GOLGA8K: variants seen among roughly 807,000 people sequenced by gnomAD.
The protein encoded by GOLGA8K is golgin subfamily A member 8K.
GOLGA8K carries 12 observed loss-of-function variants against 75.2 expected under a neutral mutation model. The ratio of observed to expected loss-of-function variants is 0.16; its 90% CI spans 0.10 to 0.26. The LOEUF is 0.26. Among genes scored for constraint, GOLGA8K ranks in the 10% least tolerant of loss-of-function variants. The pLI, the probability that GOLGA8K is intolerant of heterozygous loss-of-function variation, is 1.00. For synonymous variants in GOLGA8K, 48 were observed against 236.6 expected (o/e 0.20, Z 7.32); for missense variants, 109 against 640.8 (o/e 0.17, Z 8.96).
At chr15:32,394,287 G>A in intron 14 of GOLGA8K, 54 bp from the exon 15 acceptor site, 1 of 701,642 alleles carries the variant, frequency 1.4e-6, no homozygotes, top group South Asian at 1.6e-5. Flanking sequence ...GAGGTACTGT[G>A]GGCCCACCTC....
At chr15:32,394,874 A>G (rs2054588169) in intron 13 of GOLGA8K, 134 bp from the exon 14 acceptor site, 2 of 1,125,820 alleles carry the variant, frequency 1.8e-6, no homozygotes, top group Non-Finnish European at 2.5e-6. Context: ...CTTTGCCCCA[A>G]GCTTCCTGCT....
chr15:32,394,428 T>A, intron 14 of GOLGA8K, 195 bp from the exon 15 acceptor site: 1 of 639,704 alleles, frequency 1.6e-6, no homozygotes, highest in Non-Finnish European at 2.6e-6. Context: ...TACTGGTCGA[T>A]GTGGGAGTTC....
At position 32,390,046 on chromosome 15, in the gene GOLGA8K, AATG is replaced by A. The variant is rs1256756210; in HGVS notation, c.*2733_*2735del. Among the ~76,000 whole-genome samples the A allele has an allele frequency of 2.9e-5, 2 of 69,776 alleles. No homozygotes were observed. Among genetic ancestry groups the A allele is most frequent in the African/African-American group, 8.2e-5 (2 of 24,284 alleles). The allele number at this position is 69,776 out of a possible 152,430, so 45.8% of individuals were successfully genotyped here. A position where few individuals can be genotyped will look rare whatever the true frequency, so the allele number is the denominator to read the frequency against. On this transcript the variant is annotated 3_prime_UTR_variant, in exon 19 of 19. Coordinates refer to ENST00000512626, the MANE Select transcript of GOLGA8K (RefSeq NM_001282493.2). ...ATCAGGTTGAATCAAATACTTTTAA[AATG>A]ATTATTATATATTGCCATCTTTAAA...
intron 9 of GOLGA8K, 42 bp downstream of exon 9, chr15:32,397,374 TG>T (rs1382871357): frequency 9.2e-7 from 1 of 1,091,502 alleles, no homozygotes; most frequent in African/African-American, 1.6e-5. Context: ...CCTGGCCACC[TG>T]GGGTCATCTT....
intron 15 of GOLGA8K, among the ~76,000 whole-genome samples, 163 bp downstream of exon 15, chr15:32,393,982 G>C (rs1031760502): frequency 2.7e-5 from 1 of 37,194 alleles, no homozygotes; most frequent in African/African-American, 1.2e-4. Flanking sequence ...GGGCCTCAGA[G>C]AGTGCACCTG....
intron 3 of GOLGA8K, 59 bp downstream of exon 3, chr15:32,400,340 TGGA>T (rs2054675972): frequency 1.0e-6 from 1 of 989,278 alleles, no homozygotes; most frequent in Non-Finnish European, 1.3e-6. Context: ...CAGTCCCACC[TGGA>T]GGAGGAGGTT....
At chr15:32,394,478 C>T (rs2054579173) in intron 14 of GOLGA8K, 187 bp downstream of exon 14, 1 of 625,964 alleles carries the variant, frequency 1.6e-6, no homozygotes, top group Admixed American at 2.8e-5. Flanking sequence ...TTCAGCCATC[C>T]TTAGGCAACT....
chr15:32,393,249 A>ACCCACC (rs1245316132), intron 17 of GOLGA8K, 44 bp downstream of exon 17: 25 of 1,195,510 alleles, frequency 2.1e-5, no homozygotes, highest in African/African-American at 4.3e-5. Flanking sequence ...CCACCCTCAC[A>ACCCACC]CCCACCCCCA....
intron 8 of GOLGA8K, among the ~76,000 whole-genome samples, chr15:32,398,191 C>CACACACAT (rs1226482330): frequency 7.2e-6 from 1 of 138,584 alleles, no homozygotes. Flanking sequence ...CACACACACA[C>CACACACAT]ATGCACGCGT....
intron 8 of GOLGA8K, among the ~76,000 whole-genome samples, chr15:32,398,093 C>A (rs1278042594): frequency 6.6e-6 from 1 of 151,892 alleles, no homozygotes; most frequent in African/African-American, 2.4e-5. Flanking sequence ...ATCTCCCAGC[C>A]ATCTTGTTCT....
chr15:32,395,815 A>C (rs1380729214), intron 13 of GOLGA8K, 148 bp downstream of exon 13: 1 of 1,276,714 alleles, frequency 7.8e-7, no homozygotes, highest in Non-Finnish European at 1.1e-6. Context: ...CAGAGGCAGG[A>C]AGCAAGAAAC....
intron 10 of GOLGA8K, 23 bp from the exon 11 acceptor site, chr15:32,397,030 G>C (rs1157928619): frequency 5.3e-6 from 3 of 560,902 alleles, no homozygotes; most frequent in Admixed American, 6.9e-5. Flanking sequence ...CAAGGGGAAA[G>C]GGCCTTGGAG....
chr15:32,392,404 A>G lies in GOLGA8K; in HGVS notation c.*378T>C, dbSNP rs1373805844. ...ATTTTGTCTGAATTCTGTAGTGAAT[A>G]TACATGCTGCAATAACATTAAAAAA... On this transcript the variant is annotated 3_prime_UTR_variant, in exon 19 of 19. Coordinates refer to ENST00000512626, the MANE Select transcript of GOLGA8K (RefSeq NM_001282493.2). Among the ~76,000 whole-genome samples the G allele has an allele frequency of 3.3e-5, 4 of 121,470 alleles. No individual in the cohort carries two copies. The highest frequency in any genetic ancestry group is 9.6e-5 in the Admixed American group (1 of 10,470). 79.7% of individuals were successfully genotyped at this position (121,470 alleles called of 152,430 possible).
chr15:32,394,159 T>C lies in GOLGA8K; in HGVS notation c.1351A>G (p.Ser451Gly). 4 of 1,112,070 alleles carry C rather than the reference T, an allele frequency of 3.6e-6. 1 individual carries two copies. The highest frequency in any genetic ancestry group is 4.9e-6 in the Non-Finnish European group (4 of 824,704). The allele number at this position is 1,112,070 out of a possible 1,614,324, so 68.9% of individuals were successfully genotyped here. A position where few individuals can be genotyped will look rare whatever the true frequency, so the allele number is the denominator to read the frequency against. Residue 451 changes from serine to glycine, a missense_variant, in exon 15 of 19, where the codon AGC becomes GGC. Coordinates refer to ENST00000512626, the MANE Select transcript of GOLGA8K (RefSeq NM_001282493.2). ...GTCAGGCTCACCATGGCCTCCCTGC[T>C]CTCCAGGTCCTCTGGGACACTCGGC... ...PMPSVPEDLE[S>G]REAMSSFMDH...
In GOLGA8K at chr15:32,391,531, T is replaced by C. The variant is rs1230722805; in HGVS notation, c.*1251A>G. On this transcript the variant is annotated 3_prime_UTR_variant, in exon 19 of 19. Coordinates refer to ENST00000512626, the MANE Select transcript of GOLGA8K (RefSeq NM_001282493.2). ...TTATAATAATGTTTCTATTATTTTT[T>C]AAAGTGTTTTCCATTCAAGGAAAAA... is the stretch of plus-strand genomic sequence containing the variant. 0.016 allele frequency among the ~76,000 whole-genome samples: 1,797 copies of C among 115,774 alleles called. 2 individuals carry two copies. The highest frequency in any genetic ancestry group is 0.046 in the African/African-American group (1,720 of 37,066). The allele number at this position is 115,774 out of a possible 152,430, so 76.0% of individuals were successfully genotyped here. A position where few individuals can be genotyped will look rare whatever the true frequency, so the allele number is the denominator to read the frequency against.
Position 32,394,146 on chromosome 15 carries a change from A to G in GOLGA8K, c.1364T>C (p.Met455Thr), listed in dbSNP as rs1386831220. 9.4e-7 allele frequency: 1 copy of G among 1,066,670 alleles called. No individual in the cohort carries two copies. The highest frequency in any genetic ancestry group is 2.8e-5 in the African/African-American group (1 of 35,476). The allele number at this position is 1,066,670 out of a possible 1,614,324, so 66.1% of individuals were successfully genotyped here. A position where few individuals can be genotyped will look rare whatever the true frequency, so the allele number is the denominator to read the frequency against. Residue 455 changes from methionine to threonine, a missense_variant and splice_region_variant, in exon 15 of 19, where the codon ATG (methionine) becomes ACG (threonine). By Grantham distance (81) the Met-to-Thr change is moderately conservative. Transcript: ENST00000512626. ...GGGTGCAGGGGGAGTCAGGCTCACC[A>G]TGGCCTCCCTGCTCTCCAGGTCCTC... ...VPEDLESREA[M>T]SSFMDHLKEK... is the part of the protein sequence containing the mutation.
chr15:32,398,286 T>A (rs1379719015), intron 8 of GOLGA8K, among the ~76,000 whole-genome samples: 1 of 147,166 alleles, frequency 6.8e-6, no homozygotes, highest in African/African-American at 2.5e-5. Context: ...CACCTAGGAC[T>A]AGGACTTGCC....
rs1030952922 is a variant in GOLGA8K, at chr15:32,395,925, C to T, written c.1200+38G>A. 1.5e-4 allele frequency: 230 copies of T among 1,485,878 alleles called. 4 individuals carry two copies. The African/African-American group carries it at 2.7e-3, about 18-fold the overall frequency. 92.0% of individuals were successfully genotyped at this position (1,485,878 alleles called of 1,614,324 possible). ...CAAGAGGCTGCTGCCCGCCTCCCAG[C>T]CCTTCTTGGATGGGGTGGAGGTTTC... On this transcript the variant is annotated intron_variant, in intron 13 of 18. Coordinates refer to ENST00000512626, the MANE Select transcript of GOLGA8K (RefSeq NM_001282493.2).
intron 13 of GOLGA8K, among the ~76,000 whole-genome samples, 184 bp downstream of exon 13, chr15:32,395,779 G>T (rs2338481): frequency 1.1e-4 from 17 of 148,516 alleles, no homozygotes; most frequent in South Asian, 4.3e-4. Context: ...CCTGAGAGGA[G>T]CCCAGGGCTA....
Sources: allele counts gnomAD v4.1 joint callset (sites outside exome capture counted in the v4.1 genomes callset), GRCh38; gene constraint gnomAD v4.1.1; transcripts MANE v1.5; gene names NCBI Gene and HGNC (gene_info 2026-07-23, HGNC 2026-07-21).